The following ADAMTS18 variants were observed in gnomAD, a reference collection of about 807,000 sequenced individuals.
ADAMTS18 encodes ADAM metallopeptidase with thrombospondin type 1 motif 18.
A neutral mutation model predicts 165.9 loss-of-function variants in ADAMTS18; 157 were observed. The ratio of observed to expected loss-of-function variants is 0.95; its 90% CI spans 0.83 to 1.08. ADAMTS18 has a LOEUF of 1.08. Among genes scored for constraint, ADAMTS18 ranks in the 50% least tolerant of loss-of-function variants. ADAMTS18 has a pLI of 0.00. For synonymous variants in ADAMTS18, 782 were observed against 578.2 expected (o/e 1.35, Z -5.06); for missense variants, 2,040 against 1,534.0 (o/e 1.33, Z -5.51).
At chr16:77,400,467 TGTGTGTGTGTGTG>T (rs1395825811) in intron 3 of ADAMTS18, among the ~76,000 whole-genome samples, 1 of 142,622 alleles carries the variant, frequency 7.0e-6, no homozygotes, top group Non-Finnish European at 1.6e-5. Flanking sequence ...TGTGTGTGTG[TGTGTGTGTGTGTG>T]TTTTGTTTTT....
At chr16:77,346,749 A>G (rs1228984221) in intron 10 of ADAMTS18, among the ~76,000 whole-genome samples, 1 of 152,234 alleles carries the variant, frequency 6.6e-6, no homozygotes, top group Non-Finnish European at 1.5e-5. Context: ...ATTTAAAAGT[A>G]ACAAATAACA....
rs536607276 is a variant in ADAMTS18 at position 77,404,344 on chromosome 16, C to CA, written c.495+26950dup. Among the ~76,000 whole-genome samples, 432 of 152,158 alleles carry CA rather than the reference C, an allele frequency of 2.8e-3. 1 individual carries two copies. Among genetic ancestry groups the CA allele is most frequent in the African/African-American group, 9.9e-3 (412 of 41,512 alleles). ...TTTGGAGGATACCTTTTCAGGGTCA[C>CA]AAAAAATTAGATTTAGGGGGGAAAC... On this transcript the variant is annotated intron_variant, in intron 3 of 22. Transcript: ENST00000282849.
chr16:77,397,910 T>C (rs923660447), intron 3 of ADAMTS18, among the ~76,000 whole-genome samples: 29 of 152,238 alleles, frequency 1.9e-4, no homozygotes, highest in Admixed American at 5.2e-4. Flanking sequence ...TGTTGTCCTA[T>C]GTACAGCAAA....
intron 3 of ADAMTS18, among the ~76,000 whole-genome samples, chr16:77,387,220 T>G (rs1349391985): frequency 6.6e-6 from 1 of 152,226 alleles, no homozygotes; most frequent in Non-Finnish European, 1.5e-5. Context: ...CTAACCATCA[T>G]GCAAATTCTC....
Position 77,283,827 on chromosome 16 carries a change from G to C in ADAMTS18, c.*129C>G. ...GGCAACCTGTCTGTTCCTCAGAGCAGGCTCCTTCATCACAGCGGCAGCTCA... is the reference window on the plus strand; with the variant it reads ...GGCAACCTGTCTGTTCCTCAGAGCACGCTCCTTCATCACAGCGGCAGCTCA... On this transcript the variant is annotated 3_prime_UTR_variant, in exon 23 of 23. Transcript: ENST00000282849. 1 of 736,238 alleles carries C rather than the reference G, an allele frequency of 1.4e-6. No individual in the cohort carries two copies. The highest frequency in any genetic ancestry group is 2.4e-6 in the Non-Finnish European group (1 of 414,704). 45.6% of individuals were successfully genotyped at this position (736,238 alleles called of 1,614,324 possible). A position where few individuals can be genotyped will look rare whatever the true frequency, so the allele number is the denominator to read the frequency against.
chr16:77,416,571 T>G (rs2057533186), intron 3 of ADAMTS18, among the ~76,000 whole-genome samples: 1 of 152,200 alleles, frequency 6.6e-6, no homozygotes, highest in Non-Finnish European at 1.5e-5. Context: ...ATGTAAGATG[T>G]GCTTTTGCTT....
intron 3 of ADAMTS18, among the ~76,000 whole-genome samples, chr16:77,381,418 C>T (rs2057028355): frequency 6.6e-6 from 1 of 152,158 alleles, no homozygotes; most frequent in Non-Finnish European, 1.5e-5. Flanking sequence ...CCTGCTGTTC[C>T]TTTCCCTGCT....
chr16:77,417,273 G>A (rs1298293354), intron 3 of ADAMTS18, among the ~76,000 whole-genome samples: 1 of 152,026 alleles, frequency 6.6e-6, no homozygotes, highest in Non-Finnish European at 1.5e-5. Context: ...TGGGTGGGTG[G>A]ATAGCTGGGT....
At chr16:77,406,284 T>C (rs2057392287) in intron 3 of ADAMTS18, among the ~76,000 whole-genome samples, 1 of 152,140 alleles carries the variant, frequency 6.6e-6, no homozygotes, top group South Asian at 2.1e-4. Flanking sequence ...GCTGAAAATA[T>C]AATGTATAGG....
rs989912494 is a variant in ADAMTS18 at position 77,282,880 on chromosome 16, A to G, written c.*1076T>C. ...AAGAAGACAGATGGATTTTTTTATT[A>G]CCACTGTTTACTCCTTTCTTTCTCT... On this transcript the variant is annotated 3_prime_UTR_variant, in exon 23 of 23. Transcript: ENST00000282849. The G allele has an allele frequency of 7.3e-6, 1 of 136,156 alleles. No homozygotes were observed. Among genetic ancestry groups the G allele is most frequent in the African/African-American group, 2.7e-5 (1 of 36,722 alleles). 8.4% of individuals were successfully genotyped at this position (136,156 alleles called of 1,614,324 possible).
intron 22 of ADAMTS18, among the ~76,000 whole-genome samples, chr16:77,286,569 A>G (rs990676510): frequency 2.0e-5 from 3 of 152,002 alleles, no homozygotes; most frequent in African/African-American, 7.2e-5. Context: ...AAACTTGCTC[A>G]AAGCTCCATA....
At chr16:77,349,005 G>T (rs758858824) in intron 10 of ADAMTS18, among the ~76,000 whole-genome samples, 1 of 150,928 alleles carries the variant, frequency 6.6e-6, no homozygotes, top group Non-Finnish European at 1.5e-5. Flanking sequence ...TCACTGGAGC[G>T]TAAGTGCATG....
At chr16:77,291,569 C>T in intron 20 of ADAMTS18, 91 bp from the exon 21 acceptor site, 1 of 1,269,166 alleles carries the variant, frequency 7.9e-7, no homozygotes, top group Non-Finnish European at 1.1e-6. Flanking sequence ...GCACCATCCA[C>T]ATGAAATAGG....
At position 77,369,256 on chromosome 16, in the gene ADAMTS18, G is replaced by T. The variant is rs548686476; in HGVS notation, c.496-1533C>A. Among the ~76,000 whole-genome samples the T allele has an allele frequency of 7.9e-5, 12 of 151,972 alleles. No individual in the cohort carries two copies. In the East Asian group the frequency reaches 2.3e-3, roughly 29 times the overall value. On this transcript the variant is annotated intron_variant, in intron 3 of 22. Coordinates refer to ENST00000282849, the MANE Select transcript of ADAMTS18 (RefSeq NM_199355.4). ...TCTTTTTTTCATAGTCTAAGCTAAA[G>T]ATTTGTCAATTTTATCTTTTTAAAA...
In ADAMTS18 at chr16:77,390,547, G is replaced by A. The variant is rs546913538; in HGVS notation, c.496-22824C>T. On this transcript the variant is annotated intron_variant, in intron 3 of 22. Coordinates refer to ENST00000282849, the MANE Select transcript of ADAMTS18 (RefSeq NM_199355.4). ...TCTACTAAAAACACAAAAATTAGCC[G>A]GGCATGGTGGCGTGTGCCTGTAATC... Among the ~76,000 whole-genome samples, 9 of 152,116 alleles carry A rather than the reference G, an allele frequency of 5.9e-5. No homozygotes were observed. The East Asian group carries it at 1.4e-3, about 23-fold the overall frequency.
At chr16:77,403,503 G>C (rs2057356607) in intron 3 of ADAMTS18, among the ~76,000 whole-genome samples, 1 of 152,164 alleles carries the variant, frequency 6.6e-6, no homozygotes, top group Non-Finnish European at 1.5e-5. Flanking sequence ...TAGAAAATCA[G>C]AGAATGGGAG....
intron 3 of ADAMTS18, among the ~76,000 whole-genome samples, chr16:77,371,650 G>A (rs141675315): frequency 1.3e-5 from 2 of 152,120 alleles, no homozygotes; most frequent in East Asian, 3.9e-4. Context: ...AAAGACTTAA[G>A]TAAGAGATAT....
chr16:77,412,767 G>A (rs1597244186), intron 3 of ADAMTS18, among the ~76,000 whole-genome samples: 1 of 152,086 alleles, frequency 6.6e-6, no homozygotes, highest in East Asian at 1.9e-4. Context: ...GAACAGTATG[G>A]GTGAAAATGC....
intron 3 of ADAMTS18, among the ~76,000 whole-genome samples, chr16:77,387,063 C>G (rs1175492153): frequency 6.6e-6 from 1 of 152,272 alleles, no homozygotes; most frequent in South Asian, 2.1e-4. Context: ...TATGCCCCAC[C>G]CAGATTCAGA....
Sources: gnomAD v4.1 joint callset for allele counts (sites outside exome capture counted in the v4.1 genomes callset) on GRCh38, gnomAD v4.1.1 for gene constraint, MANE v1.5 for transcripts, NCBI Gene and HGNC (gene_info 2026-07-23, HGNC 2026-07-21) for gene names.